Variants in TMEM53 observed in about 807,000 individuals in gnomAD.
TMEM53 encodes the protein novel DUF829 domain-containing protein.
In TMEM53, 14 loss-of-function variants were observed where a neutral mutation model predicts 21.4. The ratio of observed to expected loss-of-function variants is 0.65; its 90% CI spans 0.43 to 1.02. The LOEUF is 1.02. TMEM53 is among the 50% of genes least tolerant of loss of function. The probability of loss-of-function intolerance (pLI) is 0.00; values close to 1 mark genes in which losing one functional copy is unlikely to be tolerated. For missense variants in TMEM53, 323 were observed against 383.6 expected, an observed-to-expected ratio of 0.84 and a Z score of 1.32; for synonymous variants, 148 against 157.4, an observed-to-expected ratio of 0.94 and a Z score of 0.45.
At chr1:44,657,532 T>G (rs1410419218) in intron 2 of TMEM53, among the ~76,000 whole-genome samples, 1 of 152,158 alleles carries the variant, frequency 6.6e-6, no homozygotes, top group African/African-American at 2.4e-5. Flanking sequence ...ATGGTGTTTT[T>G]GTTTTGTTTT....
intron 1 of TMEM53, among the ~76,000 whole-genome samples, chr1:44,664,567 G>A (rs2148534517): frequency 6.6e-6 from 1 of 152,190 alleles, no homozygotes; most frequent in African/African-American, 2.4e-5. Context: ...AACAAGCAGT[G>A]AAGCTGAAAT....
rs1644838889 is a variant in TMEM53, at chr1:44,655,212, G to T, written c.184-3C>A. 6.3e-7 allele frequency: 1 copy of T among 1,593,456 alleles called. No homozygotes were observed. The highest frequency in any genetic ancestry group is 8.6e-7 in the Non-Finnish European group (1 of 1,169,034). On this transcript the variant is annotated splice_region_variant and splice_polypyrimidine_tract_variant and intron_variant, in intron 2 of 2. Coordinates refer to ENST00000372237, the MANE Select transcript of TMEM53 (RefSeq NM_024587.4). This position sits in a 1 kb window ranked among gnomAD's most constrained non-coding sequence, Gnocchi z 4.4. ...GTGTATCGGATTACGATGCAGCCCT[G>T]GGGAGAGAGGCCTGGTCAGTCCTCA...
In TMEM53 at chr1:44,654,256, C is replaced by T. The variant is rs1644826342; in HGVS notation, c.*303G>A. ...TCAACACCCCCCTCCATTTGTCAAC[C>T]TCTACAGCCTGCATGCCACAGGAAT... On this transcript the variant is annotated 3_prime_UTR_variant, in exon 3 of 3. Transcript: ENST00000372237. This position sits in a 1 kb window ranked among gnomAD's most constrained non-coding sequence, Gnocchi z 7.0. 2.9e-6 allele frequency: 1 copy of T among 350,128 alleles called. No homozygotes were observed. The highest frequency in any genetic ancestry group is 5.2e-6 in the Non-Finnish European group (1 of 191,764). The allele number at this position is 350,128 out of a possible 1,614,324, so 21.7% of individuals were successfully genotyped here.
At chr1:44,657,002 ACT>A (rs1270010928) in intron 2 of TMEM53, among the ~76,000 whole-genome samples, 2 of 143,922 alleles carry the variant, frequency 1.4e-5, no homozygotes, top group South Asian at 2.3e-4. Flanking sequence ...ACAGAGCAAG[ACT>A]CTCTCTCAAA....
intron 1 of TMEM53, chr1:44,673,894 G>A: frequency 1.0e-6 from 1 of 985,406 alleles, no homozygotes; most frequent in African/African-American, 1.7e-5. Context: ...TGAGTCCCGG[G>A]CTTCTGCGAG....
chr1:44,657,991 A>T (rs966967141), intron 2 of TMEM53, among the ~76,000 whole-genome samples: 1 of 150,672 alleles, frequency 6.6e-6, no homozygotes, highest in Non-Finnish European at 1.5e-5. Context: ...CTTCTCTGGG[A>T]TCTTACTCCA....
At chr1:44,662,503 C>T (rs544777393) in intron 1 of TMEM53, among the ~76,000 whole-genome samples, 9 of 152,344 alleles carry the variant, frequency 5.9e-5, no homozygotes, top group South Asian at 4.1e-4. Flanking sequence ...CCAGGCCAAC[C>T]TTGCTGGGTC....
At chr1:44,668,274 TA>T (rs1416961100) in intron 1 of TMEM53, among the ~76,000 whole-genome samples, 1 of 152,036 alleles carries the variant, frequency 6.6e-6, no homozygotes, top group African/African-American at 2.4e-5. Context: ...ACCCCGTCTC[TA>T]CTAAAAATAC....
chr1:44,672,866 ACCTCGTAACCCT>A lies in TMEM53; in HGVS notation c.61+1453_61+1464del, dbSNP rs574039996. 6.2e-3 allele frequency among the ~76,000 whole-genome samples: 941 copies of A among 152,226 alleles called. 11 individuals carry two copies. Among genetic ancestry groups the A allele is most frequent in the African/African-American group, 0.021 (885 of 41,554 alleles). ...TGCCAGGGACACACATCCAAACGCT[ACCTCGTAACCCT>A]CGCAATCCCACGAGGAGGTAGGCAC... On this transcript the variant is annotated intron_variant, in intron 1 of 2. Transcript: ENST00000372237.
At chr1:44,657,037 A>T (rs138523951) in intron 2 of TMEM53, among the ~76,000 whole-genome samples, 6 of 151,790 alleles carry the variant, frequency 4.0e-5, no homozygotes, top group African/African-American at 1.5e-4. Context: ...ACAACAACAA[A>T]AAAAATACTA....
chr1:44,655,245 G>A lies in TMEM53; in HGVS notation c.184-36C>T, dbSNP rs770074099. On this transcript the variant is annotated intron_variant, in intron 2 of 2. Transcript: ENST00000372237. The surrounding 1 kb of genome is among the most constrained non-coding windows in gnomAD (Gnocchi z 4.4). The stretch of plus-strand genomic sequence containing the variant: ...AGGCCTGGTCAGTCCTCACAGATGA[G>A]GTGGGGGTAGTGGGTACAAGCTAAG... 1.9e-6 allele frequency: 3 copies of A among 1,553,432 alleles called. No individual in the cohort carries two copies. Among genetic ancestry groups the A allele is most frequent in the East Asian group, 2.3e-5 (1 of 44,404 alleles).
Position 44,654,642 on chromosome 1 carries a change from C to T in TMEM53, c.751G>A (p.Ala251Thr). ...LARSVDFVSSAHVSHLRDYPT... is the reference protein window; with the variant it reads ...LARSVDFVSSTHVSHLRDYPT... Reference sequence around the variant, plus strand: ...TAGTCACGGAGGTGGCTGACGTGTGCAGATGACACGAAATCCACAGAACGC... The same window carrying T: ...TAGTCACGGAGGTGGCTGACGTGTGTAGATGACACGAAATCCACAGAACGC... Residue 251 changes from alanine (A) to threonine (T), a missense_variant, in exon 3 of 3, where the codon GCA (alanine) becomes ACA (threonine). Around this residue, in one of 3 missense-constraint regions of TMEM53, gnomAD observed 269 missense variants for 334.5 expected, o/e 0.80. Coordinates refer to ENST00000372237, the MANE Select transcript of TMEM53 (RefSeq NM_024587.4). The surrounding 1 kb of genome is among the most constrained non-coding windows in gnomAD (Gnocchi z 7.0). 1 of 1,614,066 alleles carries T rather than the reference C, an allele frequency of 6.2e-7. No individual in the cohort carries two copies. Among genetic ancestry groups the T allele is most frequent in the Non-Finnish European group, 8.5e-7 (1 of 1,180,014 alleles).
At chr1:44,670,372 T>C (rs1368553738) in intron 1 of TMEM53, among the ~76,000 whole-genome samples, 1 of 152,058 alleles carries the variant, frequency 6.6e-6, no homozygotes, top group Non-Finnish European at 1.5e-5. Context: ...CCTTCAGGGA[T>C]TTACTTCTGC....
chr1:44,654,424 A>C lies in TMEM53; in HGVS notation c.*135T>G. ...GGCCCCCAGGAGACAGGCCCATAGG[A>C]ATTTTCTACTTAGGGGACCGCAAAG... On this transcript the variant is annotated 3_prime_UTR_variant, in exon 3 of 3. Transcript: ENST00000372237. This position sits in a 1 kb window ranked among gnomAD's most constrained non-coding sequence, Gnocchi z 7.0. 1 of 1,045,088 alleles carries C rather than the reference A, an allele frequency of 9.6e-7. No homozygotes were observed. The highest frequency in any genetic ancestry group is 1.4e-6 in the Non-Finnish European group (1 of 718,632). The allele number at this position is 1,045,088 out of a possible 1,614,324, so 64.7% of individuals were successfully genotyped here. A position where few individuals can be genotyped will look rare whatever the true frequency, so the allele number is the denominator to read the frequency against.
intron 2 of TMEM53, among the ~76,000 whole-genome samples, chr1:44,656,725 A>C (rs1356435176): frequency 6.6e-6 from 1 of 152,140 alleles, no homozygotes; most frequent in African/African-American, 2.4e-5. Context: ...AAAAAGAAAA[A>C]AAAAATGGTT....
chr1:44,670,169 T>TAAAAAAAAAAAAAAAAAAAAAAAAA lies in TMEM53; in HGVS notation c.61+4161_61+4162insTTTTTTTTTTTTTTTTTTTTTTTTT, dbSNP rs780360806. On this transcript the variant is annotated intron_variant, in intron 1 of 2. Coordinates refer to ENST00000372237, the MANE Select transcript of TMEM53 (RefSeq NM_024587.4). ...AAAAATAAATACAACTCCTCTGTATTAAAAAAAAAAAAAAAGACCTTTGGG... is the reference window on the plus strand; with the variant it reads ...AAAAATAAATACAACTCCTCTGTATTAAAAAAAAAAAAAAAAAAAAAAAAAAAAAAAAAAAAAAAAGACCTTTGGG... Among the ~76,000 whole-genome samples, 5 of 103,794 alleles carry TAAAAAAAAAAAAAAAAAAAAAAAAA rather than the reference T, an allele frequency of 4.8e-5. 1 individual carries two copies. The highest frequency in any genetic ancestry group is 2.2e-4 in the African/African-American group (5 of 22,844). 68.1% of individuals were successfully genotyped at this position (103,794 alleles called of 152,430 possible). A position where few individuals can be genotyped will look rare whatever the true frequency, so the allele number is the denominator to read the frequency against.
intron 2 of TMEM53, among the ~76,000 whole-genome samples, chr1:44,659,855 CTTTTTTTTT>C (rs35618807): frequency 8.4e-5 from 9 of 106,942 alleles, no homozygotes; most frequent in African/African-American, 3.2e-4. Flanking sequence ...TCCTCACAGG[CTTTTTTTTT>C]TTTTTTTTTT....
intron 2 of TMEM53, among the ~76,000 whole-genome samples, chr1:44,656,696 T>C (rs1052249825): frequency 6.6e-6 from 1 of 150,420 alleles, no homozygotes; most frequent in East Asian, 1.9e-4. Context: ...CTGGACGACA[T>C]AGGGAGACCC....
chr1:44,671,120 G>A (rs1644996486), intron 1 of TMEM53, among the ~76,000 whole-genome samples: 2 of 152,232 alleles, frequency 1.3e-5, no homozygotes, highest in South Asian at 4.1e-4. Context: ...GGAGCCCCAG[G>A]AGAGACCCTT....
Sources: gnomAD v4.1 joint callset for allele counts (sites outside exome capture counted in the v4.1 genomes callset) on GRCh38, gnomAD v4.1.1 for gene constraint, gnomAD v4.1.1 regional missense constraint, Gnocchi (gnomAD v3.1) non-coding constraint, MANE v1.5 for transcripts, NCBI Gene and HGNC (gene_info 2026-07-23, HGNC 2026-07-21) for gene names.